The following CALN1 variants were observed in gnomAD, a reference collection of about 807,000 sequenced individuals.
CALN1 encodes calneuron 1.
Under a neutral mutation model 30.6 loss-of-function variants are expected in CALN1, and 17 were observed. That is an observed-to-expected ratio of 0.56 (90% CI 0.38 to 0.83). The LOEUF (loss-of-function observed/expected upper bound fraction) is 0.83, where lower values mean the gene tolerates loss of function less well. Among genes scored for constraint, CALN1 ranks in the 40% least tolerant of loss-of-function variants. The pLI is 0.00. For synonymous variants in CALN1, 156 were observed against 131.4 expected, an observed-to-expected ratio of 1.19 and a Z score of -1.28; for missense variants, 291 against 354.9, an observed-to-expected ratio of 0.82 and a Z score of 1.45.
chr7:72,076,326 CG>C (rs1484120160), intron 4 of CALN1, among the ~76,000 whole-genome samples: 4 of 151,220 alleles, frequency 2.6e-5, no homozygotes, highest in African/African-American at 9.7e-5. Context: ...AGGCCAGGTG[CG>C]GTGGCTCACT....
chr7:72,380,546 C>G (rs963520707), intron 2 of CALN1, among the ~76,000 whole-genome samples: 1 of 152,120 alleles, frequency 6.6e-6, no homozygotes, highest in Non-Finnish European at 1.5e-5. Flanking sequence ...TCGCTTGAGC[C>G]CATGACTTCT....
chr7:72,264,115 C>T (rs1796457747), intron 3 of CALN1, among the ~76,000 whole-genome samples: 1 of 152,152 alleles, frequency 6.6e-6, no homozygotes, highest in African/African-American at 2.4e-5. Context: ...ATATGACCTT[C>T]TGAGAAGTCA....
At position 72,063,809 on chromosome 7, in the gene CALN1, C is replaced by T. The variant is rs192498304; in HGVS notation, c.389-40040G>A. 4.0e-3 allele frequency among the ~76,000 whole-genome samples: 608 copies of T among 152,106 alleles called. 2 individuals are homozygous for T. Among genetic ancestry groups the T allele is most frequent in the Non-Finnish European group, 6.4e-3 (437 of 67,978 alleles). ...ATTTTGGATTTTGGGATTGTGGATGCCCAATCAGTAAGTATAATACAAATA... is the reference window on the plus strand; with the variant it reads ...ATTTTGGATTTTGGGATTGTGGATGTCCAATCAGTAAGTATAATACAAATA... On this transcript the variant is annotated intron_variant, in intron 4 of 6. Coordinates refer to ENST00000395275, the MANE Select transcript of CALN1 (RefSeq NM_031468.4).
chr7:71,939,862 A>G (rs6460697), intron 5 of CALN1, among the ~76,000 whole-genome samples: 58,366 of 151,960 alleles, frequency 0.38, 11,579 homozygotes, highest in Middle Eastern at 0.53. Context: ...TACTCTTGCC[A>G]AACTCCCTAA....
chr7:71,950,924 C>T (rs1043468553), intron 5 of CALN1, among the ~76,000 whole-genome samples: 1 of 152,216 alleles, frequency 6.6e-6, no homozygotes, highest in Non-Finnish European at 1.5e-5. Context: ...CCCTGTCATT[C>T]CTTTCCTAGC....
intron 5 of CALN1, among the ~76,000 whole-genome samples, chr7:72,022,801 T>C (rs922574855): frequency 2.0e-5 from 3 of 152,068 alleles, no homozygotes; most frequent in Non-Finnish European, 4.4e-5. Flanking sequence ...AAATACTTGT[T>C]GGTTCTATGC....
At chr7:71,973,848 T>C (rs991028531) in intron 5 of CALN1, among the ~76,000 whole-genome samples, 1 of 152,196 alleles carries the variant, frequency 6.6e-6, no homozygotes, top group African/African-American at 2.4e-5. Flanking sequence ...GGCGTTTTAA[T>C]TGAGGGTATA....
At position 72,292,502 on chromosome 7, in the gene CALN1, T is replaced by A. The variant is rs980550611; in HGVS notation, c.120-13692A>T. Among the ~76,000 whole-genome samples the A allele has an allele frequency of 4.7e-5, 7 of 150,266 alleles. No individual in the cohort carries two copies. The South Asian group carries it at 1.3e-3, about 28-fold the overall frequency. On this transcript the variant is annotated intron_variant, in intron 2 of 6. Coordinates refer to ENST00000395275, the MANE Select transcript of CALN1 (RefSeq NM_031468.4). ...ATCACCTCTCAAAGGCCATATCTGC[T>A]AATACCATCACATTGGCAATAAGAA...
intron 2 of CALN1, among the ~76,000 whole-genome samples, chr7:72,368,055 A>G (rs945714486): frequency 6.6e-6 from 1 of 151,982 alleles, no homozygotes; most frequent in Non-Finnish European, 1.5e-5. Context: ...CGGGAGGCAG[A>G]GCTTGCAGTG....
At chr7:72,241,722 A>G (rs1794847790) in intron 3 of CALN1, among the ~76,000 whole-genome samples, 2 of 152,016 alleles carry the variant, frequency 1.3e-5, no homozygotes, top group Admixed American at 6.6e-5. Flanking sequence ...AAAAAAAAAA[A>G]GGTTCAAATA....
intron 3 of CALN1, among the ~76,000 whole-genome samples, chr7:72,202,366 A>G (rs1310208816): frequency 4.6e-5 from 7 of 152,190 alleles, no homozygotes; most frequent in Non-Finnish European, 1.0e-4. Context: ...TTCAGAATAG[A>G]GTAGAACAAA....
chr7:72,399,690 G>A (rs1046109164), intron 2 of CALN1, among the ~76,000 whole-genome samples: 11 of 152,174 alleles, frequency 7.2e-5, no homozygotes, highest in African/African-American at 2.7e-4. Flanking sequence ...TTCATGGAGA[G>A]TCAACTAACT....
intron 5 of CALN1, among the ~76,000 whole-genome samples, chr7:71,931,023 G>T (rs536845751): frequency 7.9e-4 from 121 of 152,240 alleles, no homozygotes; most frequent in African/African-American, 2.7e-3. Context: ...GGCTTTGTGT[G>T]CCAGAAGGAA....
At chr7:72,274,480 C>A (rs1797210158) in intron 3 of CALN1, among the ~76,000 whole-genome samples, 1 of 149,434 alleles carries the variant, frequency 6.7e-6, no homozygotes. Flanking sequence ...TGCACTCCAG[C>A]CTCGGTGAGA....
intron 3 of CALN1, among the ~76,000 whole-genome samples, chr7:72,159,716 T>G (rs945892811): frequency 6.6e-6 from 1 of 152,038 alleles, no homozygotes; most frequent in Non-Finnish European, 1.5e-5. Context: ...GAGGATGGCT[T>G]GAACCTGGGA....
At chr7:71,821,788 CTTTTTTT>C (rs775510268) in intron 5 of CALN1, among the ~76,000 whole-genome samples, 2 of 95,818 alleles carry the variant, frequency 2.1e-5, no homozygotes, top group Admixed American at 2.1e-4. Context: ...ATGTTTCTTT[CTTTTTTT>C]TTTTTTTTTT....
intron 5 of CALN1, among the ~76,000 whole-genome samples, chr7:71,952,712 C>T (rs10274120): frequency 0.63 from 95,668 of 151,814 alleles, 30,558 homozygotes; most frequent in East Asian, 0.84. Flanking sequence ...CCCCAGGTGC[C>T]GGGCTGTTCC....
chr7:72,290,926 ATT>A (rs11352227), intron 2 of CALN1, among the ~76,000 whole-genome samples: 39,385 of 143,374 alleles, frequency 0.27, 5,804 homozygotes, highest in Non-Finnish European at 0.36. Flanking sequence ...CCTTTTAACC[ATT>A]TTTTTTTTTT....
chr7:71,922,353 C>T (rs549647590), intron 5 of CALN1, among the ~76,000 whole-genome samples: 32 of 151,598 alleles, frequency 2.1e-4, no homozygotes, highest in South Asian at 1.9e-3. Context: ...ATGAATTCAA[C>T]GACAAAGCTG....
Sources: gnomAD v4.1 joint callset for allele counts (sites outside exome capture counted in the v4.1 genomes callset) on GRCh38, gnomAD v4.1.1 for gene constraint, MANE v1.5 for transcripts, NCBI Gene and HGNC (gene_info 2026-07-23, HGNC 2026-07-21) for gene names.